Variants in NRG3 observed in about 807,000 individuals in gnomAD.
The protein encoded by NRG3 is neuregulin 3.
A neutral mutation model predicts 66.9 loss-of-function variants in NRG3; 31 were observed. That is an observed-to-expected ratio of 0.46 (90% confidence interval 0.35 to 0.63). The LOEUF (loss-of-function observed/expected upper bound fraction) is 0.63. NRG3 is among the 20% of genes least tolerant of loss of function. NRG3 has a pLI of 0.00. For synonymous variants in NRG3, 393 were observed against 359.4 expected (o/e 1.09, Z -1.06); for missense variants, 910 against 878.9 (o/e 1.04, Z -0.45).
chr10:82,813,377 C>A (rs1055337519), intron 3 of NRG3, among the ~76,000 whole-genome samples: 3 of 151,866 alleles, frequency 2.0e-5, no homozygotes, highest in Admixed American at 1.3e-4. Context: ...CCACACCTGG[C>A]TAATTTTTGT....
intron 3 of NRG3, among the ~76,000 whole-genome samples, chr10:82,758,826 A>AAAT (rs2059183473): frequency 6.6e-6 from 1 of 152,052 alleles, no homozygotes; most frequent in Non-Finnish European, 1.5e-5. Flanking sequence ...GACATTTATA[A>AAAT]AATAATAAGC....
At chr10:82,590,209 T>A (rs2046901445) in intron 2 of NRG3, among the ~76,000 whole-genome samples, 1 of 152,190 alleles carries the variant, frequency 6.6e-6, no homozygotes, top group South Asian at 2.1e-4. Context: ...GATATTTTAT[T>A]TAATTTTTAG....
chr10:82,551,745 A>G (rs2044321176), intron 2 of NRG3, among the ~76,000 whole-genome samples: 1 of 152,040 alleles, frequency 6.6e-6, no homozygotes, highest in Non-Finnish European at 1.5e-5. Context: ...CCCTGTCCCA[A>G]GTGCTTCGTC....
intron 2 of NRG3, among the ~76,000 whole-genome samples, chr10:82,700,594 A>C (rs1432235700): frequency 6.6e-6 from 1 of 152,054 alleles, no homozygotes; most frequent in East Asian, 1.9e-4. Flanking sequence ...GTGCCTTCTG[A>C]TTGTCTAATT....
At chr10:82,148,583 A>G (rs896091247) in intron 1 of NRG3, among the ~76,000 whole-genome samples, 5 of 152,058 alleles carry the variant, frequency 3.3e-5, no homozygotes, top group Non-Finnish European at 5.9e-5. Context: ...GTGTGCATCA[A>G]AATCACCTGG....
chr10:82,533,197 G>A (rs1847467545), intron 2 of NRG3, among the ~76,000 whole-genome samples: 1 of 151,370 alleles, frequency 6.6e-6, no homozygotes, highest in African/African-American at 2.4e-5. Context: ...TACATGTTTG[G>A]GGGTCTAACA....
At chr10:82,509,497 G>A (rs1844980835) in intron 2 of NRG3, among the ~76,000 whole-genome samples, 1 of 152,122 alleles carries the variant, frequency 6.6e-6, no homozygotes, top group Admixed American at 6.5e-5. Flanking sequence ...TAAGACATGG[G>A]CACAAGCCAG....
intron 2 of NRG3, among the ~76,000 whole-genome samples, chr10:82,453,398 G>C (rs2091112239): frequency 6.6e-6 from 1 of 152,108 alleles, no homozygotes; most frequent in Admixed American, 6.5e-5. Flanking sequence ...AAATCTTACA[G>C]ATAAGAAGGA....
chr10:82,503,830 T>C (rs943358569), intron 2 of NRG3, among the ~76,000 whole-genome samples: 1 of 152,172 alleles, frequency 6.6e-6, no homozygotes, highest in African/African-American at 2.4e-5. Context: ...GTGCTTTCAT[T>C]TGCATGCAGT....
At chr10:81,924,375 A>G (rs1342773116) in intron 1 of NRG3, among the ~76,000 whole-genome samples, 2 of 152,246 alleles carry the variant, frequency 1.3e-5, no homozygotes, top group Non-Finnish European at 2.9e-5. Context: ...AAGCATTTAG[A>G]AAGACAGTTG....
intron 2 of NRG3, among the ~76,000 whole-genome samples, chr10:82,646,211 G>T (rs2050919928): frequency 6.6e-6 from 1 of 152,134 alleles, no homozygotes; most frequent in African/African-American, 2.4e-5. Flanking sequence ...AACAAAAGTA[G>T]TGGGGGTGGG....
intron 1 of NRG3, among the ~76,000 whole-genome samples, chr10:82,051,522 G>A (rs1478486697): frequency 1.3e-5 from 2 of 152,186 alleles, no homozygotes; most frequent in Non-Finnish European, 2.9e-5. Context: ...TCAGCTCATA[G>A]TCCTAGAACT....
intron 3 of NRG3, among the ~76,000 whole-genome samples, chr10:82,801,732 C>G (rs77556238): frequency 6.6e-6 from 1 of 152,074 alleles, no homozygotes; most frequent in African/African-American, 2.4e-5. Flanking sequence ...TTGAAGAGTA[C>G]GCAGAATTTC....
intron 2 of NRG3, among the ~76,000 whole-genome samples, chr10:82,406,868 A>G (rs1191710131): frequency 6.6e-5 from 10 of 152,098 alleles, no homozygotes; most frequent in African/African-American, 1.4e-4. Flanking sequence ...TGTTACGACT[A>G]TTCTCTAGGA....
intron 2 of NRG3, among the ~76,000 whole-genome samples, chr10:82,491,947 A>G (rs1409903633): frequency 2.0e-5 from 3 of 152,216 alleles, no homozygotes; most frequent in Admixed American, 1.3e-4. Flanking sequence ...AGAATCATTC[A>G]TAAGTATTTT....
At chr10:81,921,512 C>T (rs1409831693) in intron 1 of NRG3, among the ~76,000 whole-genome samples, 3 of 152,070 alleles carry the variant, frequency 2.0e-5, no homozygotes, top group African/African-American at 7.2e-5. Context: ...TTAAGTAAGA[C>T]TTTCCTCAAT....
intron 1 of NRG3, among the ~76,000 whole-genome samples, chr10:82,247,844 C>G (rs762329336): frequency 2.6e-5 from 4 of 152,026 alleles, no homozygotes; most frequent in Non-Finnish European, 5.9e-5. Flanking sequence ...ATAATCAAAA[C>G]GTGTTTTCTC....
At chr10:82,722,032 G>GT (rs1268425302) in intron 2 of NRG3, among the ~76,000 whole-genome samples, 2 of 151,956 alleles carry the variant, frequency 1.3e-5, no homozygotes, top group Non-Finnish European at 2.9e-5. Context: ...AAGAACATAT[G>GT]TTCTCACTGG....
chr10:82,391,371 C>A (rs555062681), intron 2 of NRG3, among the ~76,000 whole-genome samples: 2 of 152,208 alleles, frequency 1.3e-5, no homozygotes, highest in South Asian at 4.1e-4. Context: ...CCTGGAAAAA[C>A]CTTTGAAAAG....
Sources: gnomAD v4.1 joint callset for allele counts (sites outside exome capture counted in the v4.1 genomes callset) on GRCh38, gnomAD v4.1.1 for gene constraint, MANE v1.5 for transcripts, NCBI Gene and HGNC (gene_info 2026-07-23, HGNC 2026-07-21) for gene names.